Variants in SNTG2 observed in about 807,000 individuals in gnomAD.
SNTG2 encodes syntrophin gamma 2.
Under a neutral mutation model 70.9 loss-of-function variants are expected in SNTG2, and 74 were observed. That is an observed-to-expected ratio of 1.04 (90% confidence interval 0.86 to 1.27). The LOEUF is 1.27. Among genes scored for constraint, SNTG2 ranks in the 50% most tolerant of loss-of-function variants. The pLI is 0.00. For missense variants in SNTG2, 717 were observed against 690.7 expected, an observed-to-expected ratio of 1.04 and a Z score of -0.43; for synonymous variants, 278 against 273.8, an observed-to-expected ratio of 1.02 and a Z score of -0.15.
intron 1 of SNTG2, among the ~76,000 whole-genome samples, chr2:993,070 C>CTTTT (rs59134628): frequency 2.1e-5 from 3 of 140,482 alleles, no homozygotes; most frequent in East Asian, 2.2e-4. Flanking sequence ...TTTGTGGGTT[C>CTTTT]TTTTTTTTTT....
rs764800356 is a variant in SNTG2, at chr2:1,097,264, C to T, written c.211-932C>T. Among the ~76,000 whole-genome samples, 7 of 152,210 alleles carry T rather than the reference C, an allele frequency of 4.6e-5. No individual in the cohort carries two copies. The highest frequency in any genetic ancestry group is 7.3e-5 in the Non-Finnish European group (5 of 68,040). On this transcript the variant is annotated intron_variant, in intron 2 of 16. Coordinates refer to ENST00000308624, the MANE Select transcript of SNTG2 (RefSeq NM_018968.4). This position sits in a 1 kb window ranked among gnomAD's most constrained non-coding sequence, Gnocchi z 4.1. ...TCTGCACCTGCACCGCTGGCCGGGG[C>T]GGGAGCTCCCAGGTCCCCCCTTCGG...
intron 1 of SNTG2, among the ~76,000 whole-genome samples, chr2:1,020,839 T>A (rs1348065229): frequency 2.6e-5 from 4 of 152,302 alleles, no homozygotes; most frequent in East Asian, 3.9e-4. Context: ...ATATATATAT[T>A]TTTTGCCAAT....
rs13417467 is a variant in SNTG2 at position 1,287,614 on chromosome 2, C to T, written c.1284+20043C>T. Among the ~76,000 whole-genome samples the T allele has an allele frequency of 8.7e-3, 1,327 of 152,298 alleles. 19 individuals carry two copies. Among genetic ancestry groups the T allele is most frequent in the African/African-American group, 0.029 (1,222 of 41,566 alleles). On this transcript the variant is annotated intron_variant, in intron 14 of 16. Transcript: ENST00000308624. ...TGCAGGTGGCAGAGTGACGGCGGAA[C>T]GTGCTCCTGATGGTGACGCTGAACG...
chr2:1,320,330 C>T (rs937530992), intron 16 of SNTG2, among the ~76,000 whole-genome samples: 1 of 151,748 alleles, frequency 6.6e-6, no homozygotes, highest in Non-Finnish European at 1.5e-5. Context: ...GTCATGAGAT[C>T]GAGACCATCC....
chr2:976,743 G>A (rs552988582), intron 1 of SNTG2, among the ~76,000 whole-genome samples: 1 of 152,250 alleles, frequency 6.6e-6, no homozygotes, highest in African/African-American at 2.4e-5. Flanking sequence ...CCTGTCCTCT[G>A]CCCCTCTGAG....
intron 13 of SNTG2, among the ~76,000 whole-genome samples, chr2:1,262,376 G>A (rs964703024): frequency 2.6e-5 from 4 of 152,168 alleles, no homozygotes; most frequent in Admixed American, 6.5e-5. Flanking sequence ...AGGAGATGAC[G>A]CCATCTTGCC....
intron 12 of SNTG2, among the ~76,000 whole-genome samples, chr2:1,251,835 T>TGCACACACCACAC (rs1558598319): frequency 6.6e-6 from 1 of 151,558 alleles, no homozygotes; most frequent in Non-Finnish European, 1.5e-5. Flanking sequence ...ACACACCACA[T>TGCACACACCACAC]GCACACCCCA....
intron 16 of SNTG2, among the ~76,000 whole-genome samples, chr2:1,334,285 T>TA (rs1415851208): frequency 6.6e-6 from 1 of 151,990 alleles, no homozygotes; most frequent in African/African-American, 2.4e-5. Flanking sequence ...ATCAAAAAGT[T>TA]AAAAAACAAT....
intron 1 of SNTG2, among the ~76,000 whole-genome samples, chr2:1,029,980 G>A (rs1660720962): frequency 6.6e-6 from 1 of 152,190 alleles, no homozygotes. Context: ...AATAGAAGCT[G>A]TTGATGCAGA....
intron 1 of SNTG2, among the ~76,000 whole-genome samples, chr2:997,713 CTGGGGCTGAG>C (rs969839404): frequency 5.9e-5 from 9 of 152,222 alleles, no homozygotes; most frequent in Admixed American, 1.3e-4. Context: ...AGACCCCCCT[CTGGGGCTGAG>C]TGGGGAGCCC....
At position 1,173,127 on chromosome 2, in the gene SNTG2, G is replaced by T. The variant is rs1291389854; in HGVS notation, c.535G>T (p.Ala179Ser). Residue 179 changes from alanine (A) to serine (S), a missense_variant, in exon 8 of 17, where the codon GCC becomes TCC. Coordinates refer to ENST00000308624, the MANE Select transcript of SNTG2 (RefSeq NM_018968.4). ...PGPSSDHSSG[A>S]SSPLFDSGLH... ...GCCATCCAGCGACCACAGCAGTGGG[G>T]CCTCCTCTCCCCTCTTTGACAGCGG... 6.2e-7 allele frequency: 1 copy of T among 1,613,888 alleles called. No individual in the cohort carries two copies. The highest frequency in any genetic ancestry group is 8.5e-7 in the Non-Finnish European group (1 of 1,179,902).
rs1013449757 is a variant in SNTG2 at position 999,551 on chromosome 2, C to T, written c.72+48483C>T. ...ACAACCATAAAATGACAAGGAAGTT[C>T]GTTATATAATGATAAAGGTATCAAT... On this transcript the variant is annotated intron_variant, in intron 1 of 16. Coordinates refer to ENST00000308624, the MANE Select transcript of SNTG2 (RefSeq NM_018968.4). 1.4e-4 allele frequency among the ~76,000 whole-genome samples: 22 copies of T among 151,932 alleles called. No individual in the cohort carries two copies. The South Asian group carries it at 1.5e-3, about 10-fold the overall frequency.
intron 16 of SNTG2, among the ~76,000 whole-genome samples, chr2:1,320,773 A>G (rs1293128259): frequency 6.6e-6 from 1 of 152,132 alleles, no homozygotes; most frequent in African/African-American, 2.4e-5. Flanking sequence ...TTTGTTATTC[A>G]TGCAAATTAT....
chr2:1,139,324 G>A (rs542495764), intron 6 of SNTG2, among the ~76,000 whole-genome samples: 10 of 152,226 alleles, frequency 6.6e-5, no homozygotes, highest in South Asian at 2.1e-4. Context: ...TCCGCCTCCC[G>A]GGTTCAAGCA....
chr2:1,053,731 G>C (rs1263071036), intron 1 of SNTG2, among the ~76,000 whole-genome samples: 1 of 152,026 alleles, frequency 6.6e-6, no homozygotes, highest in African/African-American at 2.4e-5. Context: ...GTTCTTGATT[G>C]TTTTCATTTG....
intron 1 of SNTG2, among the ~76,000 whole-genome samples, chr2:1,079,432 T>C (rs1309754247): frequency 1.3e-5 from 2 of 152,068 alleles, no homozygotes; most frequent in African/African-American, 4.8e-5. Context: ...AACGCCTAAT[T>C]ACCTCTAATC....
intron 1 of SNTG2, among the ~76,000 whole-genome samples, chr2:1,072,793 C>G (rs781503745): frequency 6.6e-6 from 1 of 152,134 alleles, no homozygotes; most frequent in African/African-American, 2.4e-5. Context: ...CTAGATGCCA[C>G]TAAGTACACT....
chr2:1,358,107 C>T (rs941479853), intron 16 of SNTG2, among the ~76,000 whole-genome samples: 8 of 152,032 alleles, frequency 5.3e-5, no homozygotes, highest in African/African-American at 1.7e-4. Flanking sequence ...ACTCAGGTCT[C>T]CTTTCCTCTA....
chr2:1,222,165 T>TGTTTCTCTCTGTCTC, intron 9 of SNTG2, among the ~76,000 whole-genome samples: 1 of 80,188 alleles, frequency 1.2e-5, no homozygotes, highest in African/African-American at 3.9e-5. Flanking sequence ...ATCTCTGTCT[T>TGTTTCTCTCTGTCTC]TGTCTCTCTT....
Sources: allele counts gnomAD v4.1 joint callset (sites outside exome capture counted in the v4.1 genomes callset), GRCh38; gene constraint gnomAD v4.1.1; non-coding constraint Gnocchi (gnomAD v3.1); transcripts MANE v1.5; gene names NCBI Gene and HGNC (gene_info 2026-07-23, HGNC 2026-07-21).